Variants in SLC7A7 observed in about 807,000 individuals in gnomAD.
The protein encoded by SLC7A7 is solute carrier family 7 member 7, also known as Y+L amino acid transporter 1.
SLC7A7 carries 39 observed loss-of-function variants against 47.9 expected under a neutral mutation model. The observed-to-expected ratio is 0.81, with a 90% CI of 0.63 to 1.06. The LOEUF is 1.06. Among genes scored for constraint, SLC7A7 ranks in the 50% least tolerant of loss-of-function variants. The pLI is 0.00. For synonymous variants in SLC7A7, 234 were observed against 242.8 expected (o/e 0.96, Z 0.34); for missense variants, 588 against 632.0 (o/e 0.93, Z 0.75).
At chr14:22,793,259 C>T (rs984015870) in intron 2 of SLC7A7, among the ~76,000 whole-genome samples, 1 of 152,184 alleles carries the variant, frequency 6.6e-6, no homozygotes, top group Non-Finnish European at 1.5e-5. Context: ...TTCGCTTACT[C>T]AGGTGTCATG....
At chr14:22,801,188 G>T (rs976758595) in intron 2 of SLC7A7, among the ~76,000 whole-genome samples, 1 of 152,018 alleles carries the variant, frequency 6.6e-6, no homozygotes, top group South Asian at 2.1e-4. Flanking sequence ...AACAACCTAT[G>T]CCTTGACTCT....
intron 2 of SLC7A7, among the ~76,000 whole-genome samples, chr14:22,799,448 CTTTTTTTTTTTTTTTT>C (rs56375225): frequency 1.3e-5 from 1 of 76,170 alleles, no homozygotes; most frequent in African/African-American, 5.2e-5. Context: ...TTTTTTCTTT[CTTTTTTTTTTTTTTTT>C]TTTTTTTTGA....
At chr14:22,815,494 G>A (rs1248116102), upstream of SLC7A7, 14 of 454,342 alleles carry the variant, frequency 3.1e-5, no homozygotes, top group Non-Finnish European at 4.4e-5. Context: ...GAGGCAGCCC[G>A]CAAAGGAAGG....
At chr14:22,807,977 C>T (rs151173423) in intron 2 of SLC7A7, among the ~76,000 whole-genome samples, 95 of 152,214 alleles carry the variant, frequency 6.2e-4, no homozygotes, top group Non-Finnish European at 1.1e-3. Context: ...GCCTGGCCAA[C>T]GTGGTGAAAC....
chr14:22,780,162 A>T, intron 2 of SLC7A7, 111 bp from the exon 3 acceptor site: 1 of 1,475,528 alleles, frequency 6.8e-7, no homozygotes. Flanking sequence ...CCTTCAGCCA[A>T]AGACAGACCC....
At chr14:22,812,573 C>T (rs1056079674) in intron 2 of SLC7A7, among the ~76,000 whole-genome samples, 2 of 149,704 alleles carry the variant, frequency 1.3e-5, no homozygotes, top group African/African-American at 4.9e-5. Flanking sequence ...AAGTTCGAGG[C>T]TGAAGTAAGG....
intron 2 of SLC7A7, among the ~76,000 whole-genome samples, chr14:22,790,771 A>G (rs1459287958): frequency 6.6e-6 from 1 of 152,210 alleles, no homozygotes; most frequent in East Asian, 1.9e-4. Context: ...AGGCGGAGGC[A>G]GACGAATCAC....
At chr14:22,808,823 A>ATC (rs1383928658) in intron 2 of SLC7A7, among the ~76,000 whole-genome samples, 1 of 152,222 alleles carries the variant, frequency 6.6e-6, no homozygotes, top group African/African-American at 2.4e-5. Flanking sequence ...TATTTCATTT[A>ATC]TCTAACCATA....
intron 5 of SLC7A7, 69 bp from the exon 6 acceptor site, chr14:22,776,005 C>T: frequency 7.0e-7 from 1 of 1,430,520 alleles, no homozygotes; most frequent in Non-Finnish European, 9.9e-7. Flanking sequence ...TGGGCATGCC[C>T]CCAGATTCCC....
upstream of SLC7A7, among the ~76,000 whole-genome samples, chr14:22,817,697 G>T (rs2039426354): frequency 6.6e-6 from 1 of 152,158 alleles, no homozygotes; most frequent in Non-Finnish European, 1.5e-5. Context: ...GGCCGGTCTT[G>T]AACTCCTGGC....
intron 2 of SLC7A7, among the ~76,000 whole-genome samples, chr14:22,806,895 CTT>C (rs397852982): frequency 2.8e-4 from 34 of 123,598 alleles, no homozygotes; most frequent in African/African-American, 7.1e-4. Context: ...CCACTGTTAA[CTT>C]TTTTTTTTTT....
intron 2 of SLC7A7, among the ~76,000 whole-genome samples, chr14:22,808,666 C>A (rs1479154300): frequency 6.6e-6 from 1 of 152,146 alleles, no homozygotes; most frequent in Admixed American, 6.6e-5. Flanking sequence ...AAAAACAAAA[C>A]CAAAACAGTG....
At chr14:22,780,092 A>G in intron 2 of SLC7A7, 41 bp from the exon 3 acceptor site, 8 of 1,612,220 alleles carry the variant, frequency 5.0e-6, no homozygotes, top group Non-Finnish European at 6.8e-6. Context: ...TACCCTTACC[A>G]CCCTAGGGCC....
At chr14:22,815,759 C>T (rs1222021810), upstream of SLC7A7, 2 of 441,072 alleles carry the variant, frequency 4.5e-6, no homozygotes, top group Admixed American at 2.4e-5. Flanking sequence ...AGGACAGTAG[C>T]GGGGAAGGAA....
At chr14:22,780,237 C>G (rs959796922) in intron 2 of SLC7A7, 186 bp from the exon 3 acceptor site, 11 of 610,206 alleles carry the variant, frequency 1.8e-5, no homozygotes, top group Non-Finnish European at 3.2e-5. Flanking sequence ...CATACAAAGG[C>G]CTCTATACTC....
intron 2 of SLC7A7, among the ~76,000 whole-genome samples, chr14:22,798,295 CA>C (rs758885266): frequency 2.1e-4 from 30 of 141,796 alleles, no homozygotes; most frequent in African/African-American, 6.9e-4. Flanking sequence ...GAAACTCTGT[CA>C]AAAAAAAAGA....
chr14:22,776,287 G>A lies in SLC7A7; in HGVS notation c.802C>T (p.Pro268Ser), dbSNP rs2038605677. The A allele has an allele frequency of 2.5e-6, 4 of 1,614,094 alleles. No individual in the cohort carries two copies. The highest frequency in any genetic ancestry group is 1.3e-5 in the African/African-American group (1 of 74,932). ...AAGATATAGATGATGGTGACAATGG[G>A]CATGGAGATGCCAATGGAGAGGGGC... is the stretch of plus-strand genomic sequence containing the variant. ...NLPLSIGISMPIVTIIYILTN... is the reference protein window; with the variant it reads ...NLPLSIGISMSIVTIIYILTN... Residue 268 changes from proline to serine, a missense_variant, in exon 5 of 10, where the codon CCC becomes TCC. Coordinates refer to ENST00000674313, the MANE Select transcript of SLC7A7 (RefSeq NM_003982.4).
chr14:22,812,794 T>TATATATATATATATATA (rs1372388510), intron 2 of SLC7A7, 106 bp downstream of exon 2: 126 of 833,978 alleles, frequency 1.5e-4, no homozygotes, highest in Middle Eastern at 3.9e-4. Flanking sequence ...TATATATATG[T>TATATATATATATATATA]TGTCAGAGAC....
intron 4 of SLC7A7, among the ~76,000 whole-genome samples, chr14:22,778,096 G>A (rs1055136191): frequency 3.3e-5 from 5 of 151,994 alleles, no homozygotes; most frequent in African/African-American, 1.2e-4. Context: ...ACATTTTACC[G>A]AAACTCCACT....
Sources: allele counts gnomAD v4.1 joint callset (sites outside exome capture counted in the v4.1 genomes callset), GRCh38; gene constraint gnomAD v4.1.1; transcripts MANE v1.5; gene names NCBI Gene and HGNC (gene_info 2026-07-23, HGNC 2026-07-21).